Variants in MGST1 observed in about 807,000 individuals in gnomAD.
MGST1 encodes the protein microsomal glutathione S-transferase 1.
In MGST1, 5 loss-of-function variants were observed where a neutral mutation model predicts 8.9. That is an observed-to-expected ratio of 0.56 (90% CI 0.29 to 1.19). MGST1 has a LOEUF of 1.19. Among genes scored for constraint, MGST1 ranks in the 50% most tolerant of loss-of-function variants. MGST1 has a pLI of 0.08. For missense variants in MGST1, 182 were observed against 187.4 expected (o/e 0.97, Z 0.17); for synonymous variants, 54 against 67.8 (o/e 0.80, Z 1.00).
chr12:16,514,505 C>G (rs888508625), intron 4 of MGST1: 2 of 259,280 alleles, frequency 7.7e-6, no homozygotes, highest in Admixed American at 4.7e-5. Flanking sequence ...ACATCACTGC[C>G]CAAATTGACA....
At chr12:16,563,258 C>T (rs549204134) in intron 4 of MGST1, among the ~76,000 whole-genome samples, 1 of 152,276 alleles carries the variant, frequency 6.6e-6, no homozygotes, top group African/African-American at 2.4e-5. Flanking sequence ...ACTTTTTCCT[C>T]AGTTTTGTCC....
chr12:16,415,434 T>C (rs897591798), intron 1 of MGST1, among the ~76,000 whole-genome samples: 3 of 152,198 alleles, frequency 2.0e-5, no homozygotes, highest in Non-Finnish European at 4.4e-5. Context: ...GCATGAATTT[T>C]ATTTTGCCTT....
At chr12:16,533,740 T>A (rs1331644503) in intron 4 of MGST1, among the ~76,000 whole-genome samples, 2 of 150,972 alleles carry the variant, frequency 1.3e-5, no homozygotes, top group Non-Finnish European at 3.0e-5. Context: ...AAAAAAAAAG[T>A]TTGTGATCAA....
At chr12:16,469,885 C>T (rs1353123804) in intron 4 of MGST1, among the ~76,000 whole-genome samples, 2 of 152,136 alleles carry the variant, frequency 1.3e-5, no homozygotes, top group Non-Finnish European at 2.9e-5. Context: ...ACCTCTATGC[C>T]TTAACACACG....
chr12:16,402,707 C>T (rs965441110), intron 1 of MGST1, among the ~76,000 whole-genome samples: 1 of 151,734 alleles, frequency 6.6e-6, no homozygotes, highest in Admixed American at 6.6e-5. Flanking sequence ...TTTACTTTCA[C>T]CTTCTCAGCT....
At chr12:16,530,176 A>G (rs1332570376) in intron 4 of MGST1, among the ~76,000 whole-genome samples, 1 of 152,138 alleles carries the variant, frequency 6.6e-6, no homozygotes, top group African/African-American at 2.4e-5. Flanking sequence ...AATAAAAATG[A>G]TGTTTTTATA....
intron 1 of MGST1, among the ~76,000 whole-genome samples, chr12:16,348,476 G>C (rs1591684565): frequency 6.6e-6 from 1 of 152,172 alleles, no homozygotes; most frequent in East Asian, 1.9e-4. Flanking sequence ...ACAGAGGAGA[G>C]AGGAGTGCAT....
At chr12:16,479,762 C>T (rs10161309) in intron 4 of MGST1, among the ~76,000 whole-genome samples, 88,933 of 151,322 alleles carry the variant, frequency 0.59, 26,277 homozygotes, top group Non-Finnish European at 0.64. Flanking sequence ...TCTCAAACAC[C>T]GGGCCTCAAG....
chr12:16,411,486 A>G (rs143185278), intron 1 of MGST1, among the ~76,000 whole-genome samples: 2 of 152,264 alleles, frequency 1.3e-5, no homozygotes, highest in East Asian at 3.9e-4. Context: ...TTATTGGCCT[A>G]TTAGGTCAGA....
chr12:16,485,820 A>C (rs546441348), intron 4 of MGST1, among the ~76,000 whole-genome samples: 1 of 152,344 alleles, frequency 6.6e-6, no homozygotes, highest in South Asian at 2.1e-4. Flanking sequence ...AAATCTAAAA[A>C]TTTTTGTACT....
intron 1 of MGST1, among the ~76,000 whole-genome samples, chr12:16,424,291 A>G (rs1940866382): frequency 1.3e-5 from 2 of 152,212 alleles, no homozygotes; most frequent in Non-Finnish European, 2.9e-5. Context: ...CTTCACCTTG[A>G]TCAAAGCCTT....
rs530658414 is a variant in MGST1, at chr12:16,587,457, C to T, written n.483-2071C>T. On this transcript the variant is annotated intron_variant and non_coding_transcript_variant, in intron 4 of 4. Coordinates refer to the MGST1 transcript ENST00000538857. The surrounding 1 kb of genome is among the most constrained non-coding windows in gnomAD (Gnocchi z 4.3). ...GACTAGAGAGCAAGGAATTCAAGTTCGATTTTTTTTTCTTTTACTTTGCCT... is the reference window on the plus strand; with the variant it reads ...GACTAGAGAGCAAGGAATTCAAGTTTGATTTTTTTTTCTTTTACTTTGCCT... Among the ~76,000 whole-genome samples, 4 of 152,020 alleles carry T rather than the reference C, an allele frequency of 2.6e-5. No individual in the cohort carries two copies. The highest frequency in any genetic ancestry group is 1.9e-4 in the East Asian group (1 of 5,188).
intron 1 of MGST1, among the ~76,000 whole-genome samples, chr12:16,430,494 C>T (rs73318736): frequency 0.01 from 1,578 of 152,172 alleles, 35 homozygotes; most frequent in African/African-American, 0.036. Context: ...ATCTTTGATC[C>T]GTGGGCTGCA....
rs1462791516 is a variant in MGST1 at position 16,347,796 on chromosome 12, G to T, written c.-23+86G>T. The T allele has an allele frequency of 6.6e-6, 1 of 152,392 alleles. No homozygotes were observed. Among genetic ancestry groups the T allele is most frequent in the East Asian group, 1.9e-4 (1 of 5,204 alleles). 9.4% of individuals were successfully genotyped at this position (152,392 alleles called of 1,614,324 possible). On this transcript the variant is annotated intron_variant, in intron 1 of 3. Coordinates refer to ENST00000396210, the MANE Select transcript of MGST1 (RefSeq NM_020300.5). The surrounding 1 kb of genome is among the most constrained non-coding windows in gnomAD (Gnocchi z 4.0). The stretch of plus-strand genomic sequence containing the variant: ...GGTGGGTGGCAGATGGAAGACTTGG[G>T]GGGGTCTCTGCCAGCTGGAAGTGCT...
At chr12:16,371,195 G>T (rs941214390) in intron 3 of MGST1, among the ~76,000 whole-genome samples, 25 of 152,094 alleles carry the variant, frequency 1.6e-4, no homozygotes, top group African/African-American at 5.1e-4. Flanking sequence ...AGGGTTCCTT[G>T]GTCTAATCAT....
chr12:16,567,769 A>C (rs1312412630), intron 4 of MGST1, among the ~76,000 whole-genome samples: 1 of 152,004 alleles, frequency 6.6e-6, no homozygotes, highest in Non-Finnish European at 1.5e-5. Flanking sequence ...GTATTTTAAG[A>C]GAATCCTCAG....
At chr12:16,467,044 C>G (rs1278037153) in intron 4 of MGST1, among the ~76,000 whole-genome samples, 1 of 151,770 alleles carries the variant, frequency 6.6e-6, no homozygotes, top group Non-Finnish European at 1.5e-5. Flanking sequence ...GCAGCACAGA[C>G]AGTGTTCTTT....
chr12:16,349,416 GCCTCCAGA>G, intron 1 of MGST1, among the ~76,000 whole-genome samples: 1 of 152,096 alleles, frequency 6.6e-6, no homozygotes, highest in Non-Finnish European at 1.5e-5. Flanking sequence ...ACAAGGAAAG[GCCTCCAGA>G]AGACCAGAGC....
At chr12:16,467,165 C>T (rs1941261706) in intron 4 of MGST1, among the ~76,000 whole-genome samples, 1 of 152,150 alleles carries the variant, frequency 6.6e-6, no homozygotes, top group Admixed American at 6.5e-5. Context: ...AATGTAATAC[C>T]ACCTTCAAGT....
Sources: allele counts gnomAD v4.1 joint callset (sites outside exome capture counted in the v4.1 genomes callset), GRCh38; gene constraint gnomAD v4.1.1; non-coding constraint Gnocchi (gnomAD v3.1); transcripts MANE v1.5; gene names NCBI Gene and HGNC (gene_info 2026-07-23, HGNC 2026-07-21).